MAML3: variants seen among roughly 807,000 people sequenced by gnomAD.
The protein encoded by MAML3 is mastermind like transcriptional coactivator 3.
Under a neutral mutation model 101.9 loss-of-function variants are expected in MAML3, and 27 were observed. That is an observed-to-expected ratio of 0.27 (90% CI 0.20 to 0.37). MAML3 has a LOEUF of 0.37. MAML3 is among the 10% of genes least tolerant of loss of function. MAML3 has a pLI of 1.00. For synonymous variants in MAML3, 501 were observed against 555.9 expected (o/e 0.90, Z 1.39); for missense variants, 1,316 against 1,444.9 (o/e 0.91, Z 1.45).
intron 1 of MAML3, among the ~76,000 whole-genome samples, chr4:139,926,596 T>C (rs1460634905): frequency 6.6e-6 from 1 of 152,204 alleles, no homozygotes; most frequent in Non-Finnish European, 1.5e-5. Flanking sequence ...CGAGACTCCG[T>C]CTCAAAACAA....
At chr4:140,100,250 G>A (rs1000459172) in intron 1 of MAML3, among the ~76,000 whole-genome samples, 7 of 152,066 alleles carry the variant, frequency 4.6e-5, no homozygotes, top group African/African-American at 9.7e-5. Context: ...GATTTCCTCT[G>A]CTGACTCAAG....
rs1277321381 is a variant in MAML3, at chr4:139,988,016, G to A, written c.469-97049C>T. Among the ~76,000 whole-genome samples the A allele has an allele frequency of 1.5e-4, 8 of 55,166 alleles. No homozygotes were observed. The South Asian group carries it at 4.0e-3, about 28-fold the overall frequency. 36.2% of individuals were successfully genotyped at this position (55,166 alleles called of 152,430 possible). A position where few individuals can be genotyped will look rare whatever the true frequency, so the allele number is the denominator to read the frequency against. On this transcript the variant is annotated intron_variant, in intron 1 of 4. Transcript: ENST00000509479. ...CAGCCTGGCAACACAGCAAAACTCC[G>A]TCTCAAAAAAAAAAAAAAAAAAAAA...
In MAML3 at chr4:139,932,910, T is replaced by C. The variant is rs540323569; in HGVS notation, c.469-41943A>G. 4.6e-5 allele frequency among the ~76,000 whole-genome samples: 7 copies of C among 152,350 alleles called. No individual in the cohort carries two copies. In the South Asian group the frequency reaches 1.4e-3, roughly 32 times the overall value. On this transcript the variant is annotated intron_variant, in intron 1 of 4. Transcript: ENST00000509479. The stretch of plus-strand genomic sequence containing the variant: ...CCCAACCCAAGGAAAACCCGTGGTC[T>C]CTGTATGACACAGATTGGCTTGAAA...
chr4:139,978,805 T>G (rs116655223), intron 1 of MAML3, among the ~76,000 whole-genome samples: 2,895 of 152,102 alleles, frequency 0.019, 118 homozygotes, highest in African/African-American at 0.065. Flanking sequence ...ACCTTGCCAG[T>G]CAGCCTGCCC....
chr4:139,850,177 G>C (rs1363984029), intron 2 of MAML3, among the ~76,000 whole-genome samples: 1 of 152,156 alleles, frequency 6.6e-6, no homozygotes, highest in Non-Finnish European at 1.5e-5. Context: ...AAAGCAAGCA[G>C]TGTTTTATAA....
In MAML3 at chr4:140,153,470, G is replaced by C. The variant is rs1729215101; in HGVS notation, c.-143C>G. On this transcript the variant is annotated 5_prime_UTR_variant, in exon 1 of 5. Coordinates refer to ENST00000509479, the MANE Select transcript of MAML3 (RefSeq NM_018717.5). ...ATGGATGGAAACGGCGATCCCGACG[G>C]GGCGAAAAAAACGGGGGGGGAGATT... The C allele has an allele frequency of 1.0e-6, 1 of 972,884 alleles. No homozygotes were observed. Among genetic ancestry groups the C allele is most frequent in the South Asian group, 2.4e-5 (1 of 41,984 alleles). The allele number at this position is 972,884 out of a possible 1,614,324, so 60.3% of individuals were successfully genotyped here.
At chr4:140,008,574 C>A (rs1480401367) in intron 1 of MAML3, among the ~76,000 whole-genome samples, 1 of 149,950 alleles carries the variant, frequency 6.7e-6, no homozygotes, top group East Asian at 2.0e-4. Flanking sequence ...GATGAAAAAG[C>A]AAATGACAGG....
chr4:140,002,467 A>G (rs1269547863), intron 1 of MAML3, among the ~76,000 whole-genome samples: 3 of 152,346 alleles, frequency 2.0e-5, no homozygotes, highest in Middle Eastern at 3.4e-3. Flanking sequence ...ATGATTTTTA[A>G]TAAGTCACGA....
At chr4:139,731,796 C>T (rs896015803) in intron 2 of MAML3, among the ~76,000 whole-genome samples, 5 of 152,148 alleles carry the variant, frequency 3.3e-5, no homozygotes, top group African/African-American at 1.2e-4. Flanking sequence ...CAGGTGACTA[C>T]ATGGAGAATG....
At chr4:139,920,991 G>A (rs922293213) in intron 1 of MAML3, among the ~76,000 whole-genome samples, 1 of 152,144 alleles carries the variant, frequency 6.6e-6, no homozygotes, top group Admixed American at 6.5e-5. Flanking sequence ...GGGCAGGTGG[G>A]ATCAGCTGAA....
intron 1 of MAML3, among the ~76,000 whole-genome samples, chr4:139,934,349 TGAG>T (rs932292622): frequency 5.3e-5 from 8 of 151,644 alleles, no homozygotes; most frequent in Non-Finnish European, 7.4e-5. Context: ...TTGTGAGTGT[TGAG>T]GAGGGAGGGA....
intron 1 of MAML3, among the ~76,000 whole-genome samples, chr4:140,104,376 A>ATTATATATATTATAT (rs1553976036): frequency 1.8e-3 from 124 of 69,362 alleles, no homozygotes; most frequent in African/African-American, 5.3e-3. Flanking sequence ...ATATATATAT[A>ATTATATATATTATAT]ATATATATAT....
Position 140,151,690 on chromosome 4 carries a change from C to CGG in MAML3, c.468+1168_468+1169dup, listed in dbSNP as rs397995581. 6.8e-3 allele frequency among the ~76,000 whole-genome samples: 858 copies of CGG among 125,534 alleles called. 16 individuals carry two copies. The highest frequency in any genetic ancestry group is 0.016 in the East Asian group (62 of 3,858). The allele number at this position is 125,534 out of a possible 152,430, so 82.4% of individuals were successfully genotyped here. On this transcript the variant is annotated intron_variant, in intron 1 of 4. Coordinates refer to ENST00000509479, the MANE Select transcript of MAML3 (RefSeq NM_018717.5). Reference sequence around the variant, plus strand: ...CACCCAGCACCCGGGCGGCGCGGTGCGGGGGGGGGGGGCACACACCTTTCC... The same window carrying CGG: ...CACCCAGCACCCGGGCGGCGCGGTGCGGGGGGGGGGGGGGCACACACCTTTCC...
intron 1 of MAML3, among the ~76,000 whole-genome samples, chr4:140,092,104 G>GTATATATATATACGTA (rs1728068096): frequency 1.3e-5 from 1 of 79,154 alleles, no homozygotes; most frequent in African/African-American, 4.2e-5. Context: ...ATATATATAC[G>GTATATATATATACGTA]TATATATATA....
intron 2 of MAML3, among the ~76,000 whole-genome samples, chr4:139,743,143 C>T (rs1729217136): frequency 6.6e-6 from 1 of 152,220 alleles, no homozygotes; most frequent in South Asian, 2.1e-4. Context: ...TACAGCATAA[C>T]CACGATTCAC....
rs1023361118 is a variant in MAML3, at chr4:139,878,725, G to T, written c.2079+10632C>A. Among the ~76,000 whole-genome samples, 6 of 152,318 alleles carry T rather than the reference G, an allele frequency of 3.9e-5. No individual in the cohort carries two copies. In the East Asian group the frequency reaches 1.2e-3, roughly 29 times the overall value. On this transcript the variant is annotated intron_variant, in intron 2 of 4. Transcript: ENST00000509479. ...CTGAAGCTCAGGAGCACCTGGGAAA[G>T]TTGCTTGTCTGCCATCCTTGATGTG...
chr4:139,970,746 C>T (rs1484620000), intron 1 of MAML3, among the ~76,000 whole-genome samples: 4 of 152,176 alleles, frequency 2.6e-5, no homozygotes, highest in African/African-American at 7.2e-5. Context: ...ACATGATCTT[C>T]ATCACAGCAG....
At chr4:139,841,322 T>C (rs1175485828) in intron 2 of MAML3, among the ~76,000 whole-genome samples, 1 of 152,180 alleles carries the variant, frequency 6.6e-6, no homozygotes, top group East Asian at 1.9e-4. Context: ...GCCCCAACAT[T>C]CCCATTCTTC....
At chr4:139,979,606 G>C (rs1259521325) in intron 1 of MAML3, among the ~76,000 whole-genome samples, 1 of 152,172 alleles carries the variant, frequency 6.6e-6, no homozygotes, top group East Asian at 1.9e-4. Flanking sequence ...GGCCATGAAG[G>C]CTACTCCCTC....
Sources: allele counts gnomAD v4.1 joint callset (sites outside exome capture counted in the v4.1 genomes callset), GRCh38; gene constraint gnomAD v4.1.1; transcripts MANE v1.5; gene names NCBI Gene and HGNC (gene_info 2026-07-23, HGNC 2026-07-21).